The following ACTL8 variants were observed in gnomAD, a reference collection of about 807,000 sequenced individuals.
ACTL8 encodes the protein actin like 8.
Under a neutral mutation model 9.3 loss-of-function variants are expected in ACTL8, and 3 were observed. The observed-to-expected ratio is 0.32, with a 90% confidence interval of 0.15 to 0.83. The LOEUF (loss-of-function observed/expected upper bound fraction) is 0.83, where lower values mean the gene tolerates loss of function less well. ACTL8 is among the 40% of genes least tolerant of loss of function. The pLI is 0.57. For missense variants in ACTL8, 381 were observed against 492.2 expected, an observed-to-expected ratio of 0.77 and a Z score of 2.14; for synonymous variants, 224 against 205.9, an observed-to-expected ratio of 1.09 and a Z score of -0.75.
intron 1 of ACTL8, among the ~76,000 whole-genome samples, chr1:17,822,415 C>T (rs1219444250): frequency 1.3e-5 from 2 of 152,226 alleles, no homozygotes; most frequent in Non-Finnish European, 2.9e-5. Flanking sequence ...TCCAACCTAA[C>T]ATGCAAAGCA....
rs10157841 is a variant in ACTL8 at position 17,780,715 on chromosome 1, T to C, written c.-25+25211T>C. Among the ~76,000 whole-genome samples, 258 of 127,094 alleles carry C rather than the reference T, an allele frequency of 2.0e-3. 1 individual carries two copies. Among genetic ancestry groups the C allele is most frequent in the African/African-American group, 6.6e-3 (215 of 32,400 alleles). 83.4% of individuals were successfully genotyped at this position (127,094 alleles called of 152,430 possible). ...ACAGTGCAGTCCTGAATCGGGAACA[T>C]TGGAGGAAGAGCAGGGGTGGGAGTG... On this transcript the variant is annotated intron_variant, in intron 1 of 2. Coordinates refer to ENST00000375406, the MANE Select transcript of ACTL8 (RefSeq NM_030812.3).
chr1:17,810,943 G>A (rs1421999085), intron 1 of ACTL8, among the ~76,000 whole-genome samples: 1 of 152,202 alleles, frequency 6.6e-6, no homozygotes, highest in Non-Finnish European at 1.5e-5. Flanking sequence ...TTAAGCCTCT[G>A]TAAACATTGG....
chr1:17,787,940 G>T (rs1334644255), intron 1 of ACTL8, among the ~76,000 whole-genome samples: 1 of 152,170 alleles, frequency 6.6e-6, no homozygotes, highest in Non-Finnish European at 1.5e-5. Flanking sequence ...GTTTTGTGGG[G>T]GCTGAGAGGT....
At chr1:17,775,115 C>G (rs368081769) in intron 1 of ACTL8, among the ~76,000 whole-genome samples, 13 of 152,274 alleles carry the variant, frequency 8.5e-5, no homozygotes, top group African/African-American at 2.9e-4. Flanking sequence ...TGAGAGGACT[C>G]CTTACATCAG....
chr1:17,773,101 A>G (rs6701458), intron 1 of ACTL8, among the ~76,000 whole-genome samples: 63,685 of 152,036 alleles, frequency 0.42, 13,817 homozygotes, highest in East Asian at 0.63. Flanking sequence ...AAGCCCCTCG[A>G]GAAGATAGGG....
intron 1 of ACTL8, among the ~76,000 whole-genome samples, chr1:17,766,532 G>A (rs995010596): frequency 6.6e-6 from 1 of 152,152 alleles, no homozygotes; most frequent in Admixed American, 6.5e-5. Context: ...AATAGCAAAA[G>A]CAAAAGTCAC....
At chr1:17,802,966 TAGAGTG>T (rs941993686) in intron 1 of ACTL8, among the ~76,000 whole-genome samples, 6 of 152,106 alleles carry the variant, frequency 3.9e-5, no homozygotes, top group Admixed American at 3.3e-4. Flanking sequence ...GCCTGGGTGA[TAGAGTG>T]AGATTGTTTC....
chr1:17,772,647 T>TG (rs1223539238), intron 1 of ACTL8, among the ~76,000 whole-genome samples: 1 of 152,134 alleles, frequency 6.6e-6, no homozygotes, highest in African/African-American at 2.4e-5. Flanking sequence ...GGGAAGAGGT[T>TG]GGGGGGCTCC....
At chr1:17,791,855 A>G (rs1270006751) in intron 1 of ACTL8, among the ~76,000 whole-genome samples, 1 of 152,232 alleles carries the variant, frequency 6.6e-6, no homozygotes, top group South Asian at 2.1e-4. Context: ...AACACATCTT[A>G]TGAGGAAGAG....
intron 1 of ACTL8, among the ~76,000 whole-genome samples, chr1:17,795,384 C>T (rs2066269522): frequency 6.6e-6 from 1 of 152,234 alleles, no homozygotes; most frequent in South Asian, 2.1e-4. Context: ...TTCTTTGAGC[C>T]TATTTCCTCC....
chr1:17,792,461 C>T lies in ACTL8; in HGVS notation c.-24-30524C>T, dbSNP rs528587278. 5.9e-5 allele frequency among the ~76,000 whole-genome samples: 9 copies of T among 152,320 alleles called. No individual in the cohort carries two copies. The East Asian group carries it at 7.7e-4, about 13-fold the overall frequency. On this transcript the variant is annotated intron_variant, in intron 1 of 2. Transcript: ENST00000375406. ...TCAGACCATATCCAATACAGGCAAG[C>T]GTCCATCTTTCTGATAATCAAACAT...
intron 1 of ACTL8, among the ~76,000 whole-genome samples, chr1:17,794,084 C>T (rs557530936): frequency 7.2e-5 from 11 of 152,240 alleles, no homozygotes; most frequent in South Asian, 2.1e-4. Flanking sequence ...CTCTTGCTGA[C>T]GCCTCACAAT....
chr1:17,776,922 C>G (rs1570004514), intron 1 of ACTL8, among the ~76,000 whole-genome samples: 1 of 150,476 alleles, frequency 6.6e-6, no homozygotes, highest in East Asian at 2.0e-4. Context: ...ACCTCTGCCT[C>G]CTGAGTAGCT....
Position 17,778,950 on chromosome 1 carries a change from C to T in ACTL8, c.-25+23446C>T, listed in dbSNP as rs549965630. ...AGGGGCTGATGACACAGGCCCGACC[C>T]GGGTCATGAGAAGCCAGGCCCTGCC... On this transcript the variant is annotated intron_variant, in intron 1 of 2. Coordinates refer to ENST00000375406, the MANE Select transcript of ACTL8 (RefSeq NM_030812.3). Among the ~76,000 whole-genome samples, 199 of 152,252 alleles carry T rather than the reference C, an allele frequency of 1.3e-3. 1 individual carries two copies. Among genetic ancestry groups the T allele is most frequent in the African/African-American group, 4.6e-3 (191 of 41,548 alleles).
At chr1:17,796,167 G>A (rs1461009285) in intron 1 of ACTL8, among the ~76,000 whole-genome samples, 1 of 152,156 alleles carries the variant, frequency 6.6e-6, no homozygotes, top group Non-Finnish European at 1.5e-5. Context: ...TCTGGCTACT[G>A]AGCATGCTCA....
intron 1 of ACTL8, among the ~76,000 whole-genome samples, chr1:17,808,562 A>G (rs772075674): frequency 3.1e-4 from 47 of 152,256 alleles, no homozygotes; most frequent in South Asian, 1.7e-3. Context: ...TTCATCTATA[A>G]ACTGGCAATG....
At chr1:17,799,045 C>T (rs2066300345) in intron 1 of ACTL8, among the ~76,000 whole-genome samples, 1 of 152,166 alleles carries the variant, frequency 6.6e-6, no homozygotes, top group South Asian at 2.1e-4. Flanking sequence ...CCACTTTGGT[C>T]CCCTCTCTGG....
chr1:17,820,362 G>A (rs2053645938), intron 1 of ACTL8, among the ~76,000 whole-genome samples: 1 of 152,114 alleles, frequency 6.6e-6, no homozygotes, highest in Non-Finnish European at 1.5e-5. Flanking sequence ...TTTATTACCA[G>A]GTAGTATTCC....
At chr1:17,785,081 C>A (rs1057082090) in intron 1 of ACTL8, among the ~76,000 whole-genome samples, 1 of 125,862 alleles carries the variant, frequency 7.9e-6, no homozygotes, top group African/African-American at 3.3e-5. Flanking sequence ...GAAAGATTTG[C>A]CCCCATGATT....
Sources: gnomAD v4.1 joint callset for allele counts (sites outside exome capture counted in the v4.1 genomes callset) on GRCh38, gnomAD v4.1.1 for gene constraint, MANE v1.5 for transcripts, NCBI Gene and HGNC (gene_info 2026-07-23, HGNC 2026-07-21) for gene names.